Variants in MALRD1 observed in about 807,000 individuals in gnomAD.
MALRD1 encodes the protein MAM and LDL receptor class A domain containing 1, also known as MAM and LDL-receptor class A domain-containing protein 1.
In MALRD1, 247 loss-of-function variants were observed where a neutral mutation model predicts 242.1. The observed-to-expected ratio is 1.02, with a 90% CI of 0.92 to 1.13. The LOEUF is 1.13. Ranked by LOEUF, MALRD1 falls within the 50% of genes most tolerant of loss-of-function variation. The pLI is 0.00. For missense variants in MALRD1, 2,989 were observed against 2,533.1 expected, an observed-to-expected ratio of 1.18 and a Z score of -3.86; for synonymous variants, 995 against 866.6, an observed-to-expected ratio of 1.15 and a Z score of -2.60.
At chr10:19,262,861 C>T (rs1173331293) in intron 19 of MALRD1, among the ~76,000 whole-genome samples, 1 of 152,084 alleles carries the variant, frequency 6.6e-6, no homozygotes, top group Non-Finnish European at 1.5e-5. Context: ...TTTTAGATTC[C>T]TCTTACATGT....
rs34870768 is a variant in MALRD1 at position 19,657,545 on chromosome 10, A to ATT, written c.6138-34729_6138-34728dup. Among the ~76,000 whole-genome samples, 1,042 of 150,626 alleles carry ATT rather than the reference A, an allele frequency of 6.9e-3. 8 individuals are homozygous for ATT. The highest frequency in any genetic ancestry group is 0.024 in the African/African-American group (968 of 40,674). On this transcript the variant is annotated intron_variant, in intron 36 of 39. Coordinates refer to ENST00000454679, the MANE Select transcript of MALRD1 (RefSeq NM_001142308.3). ...CAGAATTGAGATTTTTTTTCTTAAC[A>ATT]TTTTTTTTTAGTTTTAATTTTTGTT...
intron 28 of MALRD1, among the ~76,000 whole-genome samples, chr10:19,439,806 T>C (rs2483082): frequency 0.71 from 107,882 of 151,388 alleles, 38,554 homozygotes; most frequent in Non-Finnish European, 0.75. Context: ...CTTTTTATCC[T>C]CCTTCCCCAC....
chr10:19,677,210 T>G (rs1243172921), intron 36 of MALRD1, among the ~76,000 whole-genome samples: 1 of 152,164 alleles, frequency 6.6e-6, no homozygotes, highest in Non-Finnish European at 1.5e-5. Flanking sequence ...AAAATGGTAT[T>G]TCTGGTTCTA....
rs1486314297 is a variant in MALRD1 at position 19,125,335 on chromosome 10, TTCTTTC to T, written c.943+667_943+672del. ...CTTCCTTCCTTCCTTCTTTCTTTCT[TTCTTTC>T]TTTCTTTCTTTCTTTCTTTCTTTCT... On this transcript the variant is annotated intron_variant, in intron 7 of 39. Coordinates refer to ENST00000454679, the MANE Select transcript of MALRD1 (RefSeq NM_001142308.3). 4.9e-4 allele frequency among the ~76,000 whole-genome samples: 36 copies of T among 73,822 alleles called. No homozygotes were observed. In the South Asian group the frequency reaches 0.015, roughly 30 times the overall value. The allele number at this position is 73,822 out of a possible 152,430, so 48.4% of individuals were successfully genotyped here.
chr10:19,526,147 G>C (rs961350056), intron 31 of MALRD1, among the ~76,000 whole-genome samples: 2 of 152,018 alleles, frequency 1.3e-5, no homozygotes, highest in African/African-American at 4.8e-5. Context: ...GATATAAATA[G>C]GTAGGTCTCA....
chr10:19,118,055 G>C (rs1836933724), intron 5 of MALRD1, among the ~76,000 whole-genome samples: 1 of 152,166 alleles, frequency 6.6e-6, no homozygotes, highest in South Asian at 2.1e-4. Context: ...GGTGATATTT[G>C]CTATGGAGAA....
intron 29 of MALRD1, among the ~76,000 whole-genome samples, chr10:19,457,836 T>G (rs906604949): frequency 1.3e-5 from 2 of 151,792 alleles, no homozygotes; most frequent in African/African-American, 4.8e-5. Flanking sequence ...AGTACTAGTT[T>G]AAGTATTTTA....
chr10:19,124,382 A>G, intron 6 of MALRD1, 142 bp from the exon 7 acceptor site: 1 of 758,470 alleles, frequency 1.3e-6, no homozygotes, highest in Non-Finnish European at 1.8e-6. Flanking sequence ...AGGCTTATTG[A>G]ATCCAAACTT....
chr10:19,524,036 GAATAA>G (rs1371830303), intron 31 of MALRD1, among the ~76,000 whole-genome samples: 4 of 152,098 alleles, frequency 2.6e-5, no homozygotes, highest in African/African-American at 9.7e-5. Context: ...AAGCAAATCA[GAATAA>G]TGTAATGACA....
At chr10:19,320,565 T>C (rs1416365678) in intron 21 of MALRD1, among the ~76,000 whole-genome samples, 1 of 152,212 alleles carries the variant, frequency 6.6e-6, no homozygotes, top group Non-Finnish European at 1.5e-5. Context: ...GAATGATTTA[T>C]ATTCCTTTGG....
In MALRD1 at chr10:19,471,586, T is replaced by A. The variant is rs182817371; in HGVS notation, c.5030-19931T>A. On this transcript the variant is annotated intron_variant, in intron 29 of 39. Coordinates refer to ENST00000454679, the MANE Select transcript of MALRD1 (RefSeq NM_001142308.3). ...GAACATGGGATTTCTTCCCAGTTAT[T>A]TGTCCCTTTTCCTATTTTTCTCAGG... Among the ~76,000 whole-genome samples the A allele has an allele frequency of 2.5e-3, 365 of 148,870 alleles. 3 individuals are homozygous for A. The highest frequency in any genetic ancestry group is 7.5e-3 in the African/African-American group (303 of 40,474).
rs145467584 is a variant in MALRD1, at chr10:19,528,551, C to T, written c.5321-2643C>T. ...GAGGTTGCAGTGAGCCAATATCGTG[C>T]CGTTGCACTCCAGCCTGGCGACAGA... On this transcript the variant is annotated intron_variant, in intron 31 of 39. Coordinates refer to ENST00000454679, the MANE Select transcript of MALRD1 (RefSeq NM_001142308.3). Among the ~76,000 whole-genome samples, 579 of 152,220 alleles carry T rather than the reference C, an allele frequency of 3.8e-3. 7 individuals carry two copies. In the East Asian group the frequency reaches 0.059, roughly 15 times the overall value.
intron 38 of MALRD1, among the ~76,000 whole-genome samples, chr10:19,718,180 G>C (rs1834500479): frequency 6.6e-6 from 1 of 150,590 alleles, no homozygotes; most frequent in South Asian, 2.1e-4. Flanking sequence ...GAGGAAGAAA[G>C]GAAAAAGAAG....
intron 26 of MALRD1, among the ~76,000 whole-genome samples, chr10:19,382,067 C>G (rs569010861): frequency 6.6e-5 from 10 of 152,160 alleles, no homozygotes; most frequent in South Asian, 2.1e-4. Flanking sequence ...AAACGTTACT[C>G]CAGTCTATAC....
chr10:19,307,198 G>A (rs758557916), intron 21 of MALRD1, among the ~76,000 whole-genome samples: 6 of 151,246 alleles, frequency 4.0e-5, no homozygotes, highest in Admixed American at 1.3e-4. Context: ...TACTTTGGTC[G>A]GACATAACTA....
intron 4 of MALRD1, among the ~76,000 whole-genome samples, chr10:19,088,884 A>G (rs1293895088): frequency 9.8e-5 from 2 of 20,332 alleles, no homozygotes; most frequent in Admixed American, 5.9e-4. Context: ...ATGGTTTCCA[A>G]TTTCATCCAT....
At chr10:19,664,743 T>G (rs1038338537) in intron 36 of MALRD1, among the ~76,000 whole-genome samples, 2 of 152,092 alleles carry the variant, frequency 1.3e-5, no homozygotes, top group Admixed American at 1.3e-4. Context: ...TTATCCAGTT[T>G]AAACCGAAAA....
At chr10:19,111,215 C>A (rs1423742935) in intron 5 of MALRD1, among the ~76,000 whole-genome samples, 1 of 152,036 alleles carries the variant, frequency 6.6e-6, no homozygotes, top group African/African-American at 2.4e-5. Flanking sequence ...AAAATCACTA[C>A]AGAAGTACAA....
chr10:19,225,790 G>A (rs960747147), intron 18 of MALRD1, among the ~76,000 whole-genome samples: 4 of 152,152 alleles, frequency 2.6e-5, no homozygotes, highest in Non-Finnish European at 4.4e-5. Context: ...TTATTATCAT[G>A]TGCAGTACTT....
Sources: gnomAD v4.1 joint callset for allele counts (sites outside exome capture counted in the v4.1 genomes callset) on GRCh38, gnomAD v4.1.1 for gene constraint, MANE v1.5 for transcripts, NCBI Gene and HGNC (gene_info 2026-07-23, HGNC 2026-07-21) for gene names.